The following EPB41L5 variants were observed in gnomAD, a reference collection of about 807,000 sequenced individuals.
EPB41L5 encodes the protein erythrocyte membrane protein band 4.1 like 5.
A neutral mutation model predicts 106.6 loss-of-function variants in EPB41L5; 55 were observed. The observed-to-expected ratio is 0.52, with a 90% CI of 0.42 to 0.65. EPB41L5 has a LOEUF of 0.65. EPB41L5 is among the 30% of genes least tolerant of loss of function. The pLI is 0.00. For missense variants in EPB41L5, 871 were observed against 882.1 expected (o/e 0.99, Z 0.16); for synonymous variants, 297 against 306.7 (o/e 0.97, Z 0.33).
intron 3 of EPB41L5, among the ~76,000 whole-genome samples, chr2:120,052,602 A>G (rs568647319): frequency 3.5e-4 from 53 of 152,098 alleles, no homozygotes; most frequent in Non-Finnish European, 5.3e-4. Flanking sequence ...TTGTTGCTCA[A>G]ATTTTCCCAC....
At chr2:120,078,753 A>G (rs1446555637) in intron 10 of EPB41L5, among the ~76,000 whole-genome samples, 172 bp downstream of exon 10, 2 of 152,146 alleles carry the variant, frequency 1.3e-5, no homozygotes, top group East Asian at 1.9e-4. Flanking sequence ...TCCAGAGGCA[A>G]TTATTAAAAC....
intron 16 of EPB41L5, chr2:120,106,978 C>G (rs562427090): frequency 1.2e-6 from 1 of 866,912 alleles, no homozygotes; most frequent in South Asian, 5.3e-5. Flanking sequence ...TATTGTAATA[C>G]CAGTATAATT....
At chr2:120,078,040 A>G (rs1009928596) in intron 9 of EPB41L5, among the ~76,000 whole-genome samples, 4 of 152,138 alleles carry the variant, frequency 2.6e-5, no homozygotes, top group Non-Finnish European at 5.9e-5. Context: ...CTATCATGAG[A>G]ACAGCAAGGG....
At chr2:120,149,823 C>G (rs1364340437) in intron 20 of EPB41L5, among the ~76,000 whole-genome samples, 1 of 151,738 alleles carries the variant, frequency 6.6e-6, no homozygotes, top group East Asian at 1.9e-4. Flanking sequence ...ACCACTGCAC[C>G]ATTTTCTATT....
intron 21 of EPB41L5, among the ~76,000 whole-genome samples, chr2:120,164,253 C>A (rs950131096): frequency 6.6e-6 from 1 of 152,094 alleles, no homozygotes; most frequent in African/African-American, 2.4e-5. Context: ...CTCACTCTGT[C>A]ATCCAGGCTG....
At chr2:120,061,497 A>T (rs1398168316) in intron 3 of EPB41L5, among the ~76,000 whole-genome samples, 1 of 151,798 alleles carries the variant, frequency 6.6e-6, no homozygotes, top group East Asian at 1.9e-4. Context: ...TGCTGGGATT[A>T]CAGGCGTGAG....
chr2:120,127,275 T>G (rs1685494956), intron 16 of EPB41L5, among the ~76,000 whole-genome samples: 1 of 152,144 alleles, frequency 6.6e-6, no homozygotes, highest in Non-Finnish European at 1.5e-5. Flanking sequence ...ATAAAACCAT[T>G]TGAGATAAAA....
Position 120,160,867 on chromosome 2 carries a change from C to CT in EPB41L5, c.1794-9dup, listed in dbSNP as rs1558913804. The CT allele has an allele frequency of 6.3e-7, 1 of 1,597,930 alleles. No homozygotes were observed. The highest frequency in any genetic ancestry group is 8.6e-7 in the Non-Finnish European group (1 of 1,165,464). On this transcript the variant is annotated splice_polypyrimidine_tract_variant and intron_variant, in intron 20 of 24. Transcript: ENST00000263713. ...CAGGTCCTACATGATGTGAATTTAT[C>CT]TTTTTCTTCCTAGTGCTGTGTTAAA...
chr2:120,024,982 C>G (rs1018918908), intron 2 of EPB41L5, among the ~76,000 whole-genome samples: 2 of 152,178 alleles, frequency 1.3e-5, no homozygotes, highest in African/African-American at 4.8e-5. Flanking sequence ...TGTTTTATCT[C>G]TGCCAAGTTT....
In EPB41L5 at chr2:120,090,290, G is replaced by A; in HGVS notation, c.874-57G>A. On this transcript the variant is annotated intron_variant, in intron 11 of 24. Transcript: ENST00000263713. ...TGGATGTGTTTGTATCTCAGAAATAGGAGATAGGACTGTTTGAATTAGTAA... is the reference window on the plus strand; with the variant it reads ...TGGATGTGTTTGTATCTCAGAAATAAGAGATAGGACTGTTTGAATTAGTAA... 2.9e-6 allele frequency: 4 copies of A among 1,364,032 alleles called. No homozygotes were observed. The South Asian group carries it at 6.2e-5, about 21-fold the overall frequency. 84.5% of individuals were successfully genotyped at this position (1,364,032 alleles called of 1,614,324 possible).
intron 5 of EPB41L5, among the ~76,000 whole-genome samples, chr2:120,074,623 A>G (rs1392343545): frequency 6.6e-6 from 1 of 152,198 alleles, no homozygotes; most frequent in Non-Finnish European, 1.5e-5. Flanking sequence ...ATAGTTTTGA[A>G]TAAACCTTAT....
intron 3 of EPB41L5, among the ~76,000 whole-genome samples, chr2:120,067,745 T>G (rs1469632103): frequency 1.3e-5 from 2 of 152,196 alleles, no homozygotes; most frequent in Admixed American, 1.3e-4. Context: ...GAGCATCTGT[T>G]TTGTAAAATT....
chr2:120,165,515 CAA>C (rs1236113341), intron 22 of EPB41L5, among the ~76,000 whole-genome samples: 1 of 152,108 alleles, frequency 6.6e-6, no homozygotes, highest in Non-Finnish European at 1.5e-5. Context: ...GAAATAATGA[CAA>C]GAATAAAAGC....
chr2:120,049,297 A>G lies in EPB41L5; in HGVS notation c.285+7187A>G, dbSNP rs533143974. On this transcript the variant is annotated intron_variant, in intron 3 of 24. Coordinates refer to ENST00000263713, the MANE Select transcript of EPB41L5 (RefSeq NM_020909.4). ...TCCCATTATTATTGTGTGGGAGTCTAAGTCTCTTTGTAGGTCTCTAAGGAC... is the reference window on the plus strand; with the variant it reads ...TCCCATTATTATTGTGTGGGAGTCTGAGTCTCTTTGTAGGTCTCTAAGGAC... 3.3e-5 allele frequency among the ~76,000 whole-genome samples: 5 copies of G among 152,284 alleles called. 1 individual carries two copies. Among genetic ancestry groups the G allele is most frequent in the South Asian group, 2.1e-4 (1 of 4,816 alleles).
chr2:120,119,067 T>C (rs1685087752), intron 16 of EPB41L5, among the ~76,000 whole-genome samples: 1 of 152,214 alleles, frequency 6.6e-6, no homozygotes, highest in African/African-American at 2.4e-5. Flanking sequence ...GGTTTTGATT[T>C]GCATTTCTCT....
intron 18 of EPB41L5, among the ~76,000 whole-genome samples, chr2:120,140,085 T>C (rs1686105802): frequency 6.6e-6 from 1 of 152,232 alleles, no homozygotes; most frequent in South Asian, 2.1e-4. Flanking sequence ...TGGTATGTTC[T>C]CATTTATGGG....
intron 3 of EPB41L5, among the ~76,000 whole-genome samples, chr2:120,048,224 A>G (rs546098583): frequency 1.2e-4 from 18 of 152,316 alleles, no homozygotes; most frequent in South Asian, 8.3e-4. Context: ...GAATAGTTTC[A>G]GAGAGAATGG....
At chr2:120,090,989 T>A (rs1209702473) in intron 12 of EPB41L5, among the ~76,000 whole-genome samples, 1 of 152,214 alleles carries the variant, frequency 6.6e-6, no homozygotes, top group Non-Finnish European at 1.5e-5. Flanking sequence ...GTGAGTTTTC[T>A]GCATGCCATG....
At chr2:120,020,205 C>T (rs1677827822) in intron 2 of EPB41L5, among the ~76,000 whole-genome samples, 2 of 152,138 alleles carry the variant, frequency 1.3e-5, no homozygotes, top group South Asian at 2.1e-4. Flanking sequence ...AGTACACACT[C>T]ATCTACCCAA....
Sources: allele counts gnomAD v4.1 joint callset (sites outside exome capture counted in the v4.1 genomes callset), GRCh38; gene constraint gnomAD v4.1.1; transcripts MANE v1.5; gene names NCBI Gene and HGNC (gene_info 2026-07-23, HGNC 2026-07-21).